Variants in MCRS1 observed in about 807,000 individuals in gnomAD.
MCRS1 encodes microspherule protein 1.
A neutral mutation model predicts 62.9 loss-of-function variants in MCRS1; 22 were observed. The observed-to-expected ratio is 0.35, with a 90% CI of 0.25 to 0.50. MCRS1 has a LOEUF of 0.50. Ranked by LOEUF, MCRS1 falls within the 20% of genes least tolerant of loss-of-function variation. The pLI, the probability that MCRS1 is intolerant of heterozygous loss-of-function variation, is 0.98. For missense variants in MCRS1, 456 were observed against 601.1 expected (o/e 0.76, Z 2.52); for synonymous variants, 244 against 233.5 (o/e 1.04, Z -0.41).
intron 8 of MCRS1, among the ~76,000 whole-genome samples, chr12:49,561,013 G>C (rs972204664): frequency 6.6e-6 from 1 of 152,198 alleles, no homozygotes; most frequent in Non-Finnish European, 1.5e-5. Flanking sequence ...GAGCCCATCA[G>C]ATATGCTCAG....
chr12:49,566,220 C>G lies in MCRS1; in HGVS notation c.11-5G>C. ...AATCTAGCAGCCCCTGAGAATCTAG[C>G]AAGAGAGAAATGGTGGATTCGGGCC... On this transcript the variant is annotated splice_region_variant and splice_polypyrimidine_tract_variant and intron_variant, in intron 2 of 14. Transcript: ENST00000343810. 1.2e-6 allele frequency: 2 copies of G among 1,610,956 alleles called. No homozygotes were observed. Among genetic ancestry groups the G allele is most frequent in the South Asian group, 2.2e-5 (2 of 90,854 alleles).
rs777362207 is a variant in MCRS1 at position 49,559,928 on chromosome 12, G to T, written c.910+11C>A. ...TTCCATCCCCTCACCACCCCATGAG[G>T]CCATACTTACCATGTTCCAGGACCT... On this transcript the variant is annotated intron_variant, in intron 10 of 14. Transcript: ENST00000343810. The surrounding 1 kb of genome is among the most constrained non-coding windows in gnomAD (Gnocchi z 5.2). 1.4e-5 allele frequency: 22 copies of T among 1,614,030 alleles called. No individual in the cohort carries two copies. Among genetic ancestry groups the T allele is most frequent in the Admixed American group, 1.3e-4 (8 of 60,004 alleles).
At position 49,564,492 on chromosome 12, in the gene MCRS1, AG is replaced by A; in HGVS notation, c.545del (p.Pro182LeufsTer11). 6.2e-7 allele frequency: 1 copy of A among 1,612,634 alleles called. No homozygotes were observed. On this transcript the variant is annotated frameshift_variant, in exon 6 of 15. Transcript: ENST00000343810. LOFTEE classifies it high-confidence loss of function. ...QERWYALLYD[P>X]VISKLACQAM... ...CAGCTCCCACTCACTTGGAGATGACAGGATCGTAGAGCAGGGCGTACCAACG... is the reference window on the plus strand; with the variant it reads ...CAGCTCCCACTCACTTGGAGATGACAGATCGTAGAGCAGGGCGTACCAACG...
chr12:49,558,415 G>GAGAGAGGA lies in MCRS1; in HGVS notation c.*220_*227dup. On this transcript the variant is annotated 3_prime_UTR_variant, in exon 15 of 15. Coordinates refer to ENST00000343810, the MANE Select transcript of MCRS1 (RefSeq NM_006337.5). ...GCAATGGGGGGTAGGGTTGTTTTTA[G>GAGAGAGGA]AGAGAGGAAGATGGGGAGGGGCTCT... The GAGAGAGGA allele has an allele frequency of 1.8e-6, 1 of 561,274 alleles. No individual in the cohort carries two copies. The highest frequency in any genetic ancestry group is 3.1e-6 in the Non-Finnish European group (1 of 319,294). 34.8% of individuals were successfully genotyped at this position (561,274 alleles called of 1,614,324 possible). A position where few individuals can be genotyped will look rare whatever the true frequency, so the allele number is the denominator to read the frequency against.
rs1938623824 is a variant in MCRS1, at chr12:49,559,307, G to A, written c.1087-6C>T. On this transcript the variant is annotated splice_polypyrimidine_tract_variant and splice_region_variant and intron_variant, in intron 12 of 14. Transcript: ENST00000343810. This position sits in a 1 kb window ranked among gnomAD's most constrained non-coding sequence, Gnocchi z 5.2. The stretch of plus-strand genomic sequence containing the variant: ...GTTGCTCTGCCCAGGGTGATCTGGG[G>A]AAATGGGGCAGGTGAGGGCTGGGAC... 6.2e-7 allele frequency: 1 copy of A among 1,613,796 alleles called. No homozygotes were observed. The highest frequency in any genetic ancestry group is 1.3e-5 in the African/African-American group (1 of 74,944).
intron 3 of MCRS1, 133 bp from the exon 4 acceptor site, chr12:49,565,800 G>A: frequency 2.3e-6 from 3 of 1,319,298 alleles, no homozygotes; most frequent in Non-Finnish European, 3.2e-6. Flanking sequence ...TTACGCCACA[G>A]CCTGGTTGTG....
Position 49,566,859 on chromosome 12 carries a change from GGCTC to G in MCRS1, c.-110-22_-110-19del. 7 of 1,248,610 alleles carry G rather than the reference GGCTC, an allele frequency of 5.6e-6. No homozygotes were observed. The highest frequency in any genetic ancestry group is 7.9e-6 in the Non-Finnish European group (7 of 884,510). The allele number at this position is 1,248,610 out of a possible 1,614,324, so 77.3% of individuals were successfully genotyped here. A position where few individuals can be genotyped will look rare whatever the true frequency, so the allele number is the denominator to read the frequency against. ...AGGAGATTCTGCAAAGGAGAAATGA[GGCTC>G]CCTGAGGCTCAGATTTCCAACTGGC... On this transcript the variant is annotated intron_variant, in intron 1 of 14. Coordinates refer to ENST00000343810, the MANE Select transcript of MCRS1 (RefSeq NM_006337.5).
At position 49,559,094 on chromosome 12, in the gene MCRS1, C is replaced by A; in HGVS notation, c.1174+120G>T. The A allele has an allele frequency of 6.5e-7, 1 of 1,535,322 alleles. No homozygotes were observed. The highest frequency in any genetic ancestry group is 1.7e-5 in the Admixed American group (1 of 58,290). On this transcript the variant is annotated intron_variant, in intron 13 of 14. Transcript: ENST00000343810. This position sits in a 1 kb window ranked among gnomAD's most constrained non-coding sequence, Gnocchi z 5.2. ...GCTTCCTGCAGACACCAAGGAATCC[C>A]TGCCTCAGGTGGTCCACGAGGGTCC...
intron 8 of MCRS1, among the ~76,000 whole-genome samples, chr12:49,562,647 TCTTA>T (rs141211453): frequency 0.017 from 2,557 of 152,326 alleles, 35 homozygotes; most frequent in Middle Eastern, 0.037. Context: ...AAGTGGACTT[TCTTA>T]TTTTGCTCAT....
rs1327177194 is a variant in MCRS1 at position 49,565,646 on chromosome 12, G to A, written c.171C>T (p.Phe57=). 5 of 1,613,890 alleles carry A rather than the reference G, an allele frequency of 3.1e-6. No individual in the cohort carries two copies. Among genetic ancestry groups the A allele is most frequent in the African/African-American group, 2.7e-5 (2 of 74,852 alleles). Residue 57 remains phenylalanine (F), a synonymous_variant, in exon 4 of 15, where the codon TTC becomes TTT. Transcript: ENST00000343810. The part of the protein sequence containing the change: ...SSSRFIKRKK[F]DDELVESSLA... ...GGCTGCTCTCCACCAGCTCATCATC[G>A]AACTTCTTCCTCTTGATGAACCTGT...
chr12:49,561,479 T>C (rs1436424433), intron 8 of MCRS1, among the ~76,000 whole-genome samples: 1 of 152,244 alleles, frequency 6.6e-6, no homozygotes, highest in East Asian at 1.9e-4. Flanking sequence ...CTAAGCAATG[T>C]GTCCTGCCTA....
At position 49,564,911 on chromosome 12, in the gene MCRS1, G is replaced by C; in HGVS notation, c.289-16C>G. Reference sequence around the variant, plus strand: ...CTTTGGATACCTGGGCAGAGGACAGGAACAAACCAAGCTCAAAGCCAGCAT... The same window carrying C: ...CTTTGGATACCTGGGCAGAGGACAGCAACAAACCAAGCTCAAAGCCAGCAT... On this transcript the variant is annotated splice_polypyrimidine_tract_variant and intron_variant, in intron 4 of 14. Coordinates refer to ENST00000343810, the MANE Select transcript of MCRS1 (RefSeq NM_006337.5). 1 of 1,554,622 alleles carries C rather than the reference G, an allele frequency of 6.4e-7. No homozygotes were observed. Among genetic ancestry groups the C allele is most frequent in the Non-Finnish European group, 8.7e-7 (1 of 1,148,388 alleles).
rs1565787930 is a variant in MCRS1, at chr12:49,559,568, CCT to C, written c.1004-35_1004-34del. On this transcript the variant is annotated intron_variant, in intron 11 of 14. Transcript: ENST00000343810. The surrounding 1 kb of genome is among the most constrained non-coding windows in gnomAD (Gnocchi z 5.2). ...AAGAGGGAGTTTGGAAGAGCCTACC[CCT>C]GAGGGCCAGAATGCAAGGCAGGGAA... 6 of 1,605,834 alleles carry C rather than the reference CCT, an allele frequency of 3.7e-6. No individual in the cohort carries two copies. The highest frequency in any genetic ancestry group is 1.7e-5 in the Admixed American group (1 of 60,012).
intron 8 of MCRS1, among the ~76,000 whole-genome samples, chr12:49,562,774 C>T (rs1344539957): frequency 6.6e-6 from 1 of 152,150 alleles, no homozygotes; most frequent in Non-Finnish European, 1.5e-5. Context: ...GACCTTTTGC[C>T]AAAGATTCCA....
chr12:49,562,399 G>A (rs1006959937), intron 8 of MCRS1, among the ~76,000 whole-genome samples: 6 of 152,214 alleles, frequency 3.9e-5, no homozygotes, highest in African/African-American at 1.4e-4. Context: ...GTTGAGGCAA[G>A]AGGAAGTAGG....
At chr12:49,563,349 G>A in intron 7 of MCRS1, 89 bp downstream of exon 7, 1 of 1,393,038 alleles carries the variant, frequency 7.2e-7, no homozygotes, top group Non-Finnish European at 1.0e-6. Context: ...TCCAGACAGT[G>A]GGTGGGGAGC....
chr12:49,559,320 T>G lies in MCRS1; in HGVS notation c.1087-19A>C. ...GGGTGATCTGGGGAAATGGGGCAGG[T>G]GAGGGCTGGGACCTGAAGAATTGGG... On this transcript the variant is annotated intron_variant, in intron 12 of 14. Transcript: ENST00000343810. This position sits in a 1 kb window ranked among gnomAD's most constrained non-coding sequence, Gnocchi z 5.2. The G allele has an allele frequency of 3.7e-6, 6 of 1,612,774 alleles. No individual in the cohort carries two copies. Among genetic ancestry groups the G allele is most frequent in the Non-Finnish European group, 5.1e-6 (6 of 1,178,984 alleles).
At chr12:49,566,418 T>C (rs767650596) in intron 2 of MCRS1, 10 of 1,577,098 alleles carry the variant, frequency 6.3e-6, no homozygotes, top group Middle Eastern at 1.7e-4. Context: ...CGCTGGGCAG[T>C]TCCCCCGGTG....
chr12:49,564,378 C>A, intron 6 of MCRS1, 103 bp downstream of exon 6: 8 of 939,350 alleles, frequency 8.5e-6, no homozygotes, highest in Non-Finnish European at 1.3e-5. Flanking sequence ...AGGAGTCCTG[C>A]CTCCCAGACC....
Sources: allele counts gnomAD v4.1 joint callset (sites outside exome capture counted in the v4.1 genomes callset), GRCh38; gene constraint gnomAD v4.1.1; non-coding constraint Gnocchi (gnomAD v3.1); transcripts MANE v1.5; gene names NCBI Gene and HGNC (gene_info 2026-07-23, HGNC 2026-07-21).